Variants in CENPK observed in about 807,000 individuals in gnomAD.
CENPK encodes the protein SoxLZ/Sox6-binding protein Solt.
CENPK carries 46 observed loss-of-function variants against 40.9 expected under a neutral mutation model. The observed-to-expected ratio is 1.13, with a 90% CI of 0.89 to 1.44. CENPK has a LOEUF of 1.44. Among genes scored for constraint, CENPK ranks in the 40% most tolerant of loss-of-function variants. The pLI, the probability that CENPK is intolerant of heterozygous loss-of-function variation, is 0.00. For synonymous variants in CENPK, 107 were observed against 104.4 expected (o/e 1.02, Z -0.15); for missense variants, 288 against 303.5 (o/e 0.95, Z 0.38).
Position 65,549,792 on chromosome 5 carries a change from A to G in CENPK, c.241+1772T>C, listed in dbSNP as rs117079997. Among the ~76,000 whole-genome samples, 15 of 152,302 alleles carry G rather than the reference A, an allele frequency of 9.8e-5. No individual in the cohort carries two copies. The East Asian group carries it at 2.9e-3, about 29-fold the overall frequency. ...GGATTACGCTTTGGCTTAGGGAATG[A>G]TGGCTGGTTTGATCATCTAAGTAGA... On this transcript the variant is annotated intron_variant, in intron 5 of 10. Transcript: ENST00000396679.
At chr5:65,550,117 G>A (rs1223881116) in intron 5 of CENPK, among the ~76,000 whole-genome samples, 5 of 140,544 alleles carry the variant, frequency 3.6e-5, no homozygotes, top group South Asian at 2.2e-4. Flanking sequence ...GCACTGAGCC[G>A]AGATCACACC....
chr5:65,501,182 T>G, the CENPK span, among the ~76,000 whole-genome samples: 6 of 134,468 alleles, frequency 4.5e-5, no homozygotes, highest in African/African-American at 1.1e-4. Context: ...TTGTTTTTTT[T>G]TTTTTTTTTT....
intron 3 of CENPK, 66 bp downstream of exon 3, chr5:65,554,731 G>C (rs1750699249): frequency 1.2e-6 from 1 of 864,182 alleles, no homozygotes; most frequent in Non-Finnish European, 1.9e-6. Flanking sequence ...TCTTTCCTGA[G>C]TCTATTTATT....
At chr5:65,519,630 CA>C (rs1311133102) in intron 10 of CENPK, among the ~76,000 whole-genome samples, 3 of 152,084 alleles carry the variant, frequency 2.0e-5, no homozygotes, top group Admixed American at 6.5e-5. Context: ...ATAATTTATA[CA>C]ATTACAAAGT....
downstream of CENPK, among the ~76,000 whole-genome samples, chr5:65,513,995 G>A (rs1742678881): frequency 6.6e-6 from 1 of 152,108 alleles, no homozygotes; most frequent in Non-Finnish European, 1.5e-5. Context: ...CTCCTTTAGT[G>A]TGATAATGTA....
At chr5:65,526,011 AAC>A (rs1458753779) in intron 9 of CENPK, among the ~76,000 whole-genome samples, 2 of 152,244 alleles carry the variant, frequency 1.3e-5, no homozygotes, top group African/African-American at 4.8e-5. Context: ...GAGAGAAAGA[AAC>A]ACACAGAGAA....
intron 6 of CENPK, among the ~76,000 whole-genome samples, chr5:65,540,839 A>C (rs1581010732): frequency 2.2e-5 from 3 of 137,644 alleles, no homozygotes; most frequent in Non-Finnish European, 3.1e-5. Flanking sequence ...ACAGGGTTTC[A>C]CTCTGCTGCC....
At chr5:65,542,158 G>C (rs1038985152) in intron 6 of CENPK, among the ~76,000 whole-genome samples, 1 of 152,162 alleles carries the variant, frequency 6.6e-6, no homozygotes, top group Non-Finnish European at 1.5e-5. Context: ...AGATTTCAAC[G>C]TATGGATTTT....
chr5:65,554,901 G>C lies in CENPK; in HGVS notation c.7C>G (p.Gln3Glu), dbSNP rs139570970. Residue 3 changes from glutamine (Q) to glutamate (E), a missense_variant, in exon 3 of 11, where the codon CAG becomes GAG. Transcript: ENST00000396679. ...GTACTATCCGGATCTAGATCCTCCT[G>C]ATTCATTGATATATGCTTTGTGAAT... The part of the protein sequence containing the change: MN[Q>E]EDLDPDSTTD... 22 of 1,553,320 alleles carry C rather than the reference G, an allele frequency of 1.4e-5. No homozygotes were observed. The highest frequency in any genetic ancestry group is 1.8e-5 in the Non-Finnish European group (20 of 1,128,732).
rs1743069146 is a variant in CENPK at position 65,518,303 on chromosome 5, A to T, written c.*172T>A. On this transcript the variant is annotated 3_prime_UTR_variant, in exon 11 of 11. Coordinates refer to ENST00000396679, the MANE Select transcript of CENPK (RefSeq NM_022145.5). ...AACACTAAAGCACTCACTGAATAAGAAATGACCATTTAAAAATGAATAATA... is the reference window on the plus strand; with the variant it reads ...AACACTAAAGCACTCACTGAATAAGTAATGACCATTTAAAAATGAATAATA... 4 of 610,774 alleles carry T rather than the reference A, an allele frequency of 6.5e-6. No homozygotes were observed. The highest frequency in any genetic ancestry group is 2.1e-5 in the South Asian group (1 of 46,564). The allele number at this position is 610,774 out of a possible 1,614,324, so 37.8% of individuals were successfully genotyped here.
intron 2 of CENPK, among the ~76,000 whole-genome samples, chr5:65,556,419 A>G (rs1750989150): frequency 6.6e-6 from 1 of 152,138 alleles, no homozygotes; most frequent in South Asian, 2.1e-4. Flanking sequence ...AGGTTATAGT[A>G]AGCTATGATC....
the CENPK span, among the ~76,000 whole-genome samples, chr5:65,499,673 T>TTA: frequency 4.7e-5 from 7 of 147,516 alleles, no homozygotes. Context: ...TTTAATTTTT[T>TTA]TTTTTTTATT....
At chr5:65,560,627 A>C (rs1263964641) in intron 2 of CENPK, among the ~76,000 whole-genome samples, 3 of 152,232 alleles carry the variant, frequency 2.0e-5, no homozygotes, top group Admixed American at 1.3e-4. Flanking sequence ...ATACAGAAAA[A>C]GTACATTCAT....
In CENPK at chr5:65,545,345, C is replaced by T. The variant is rs1748721059; in HGVS notation, c.242-2497G>A. ...GCGCGCACACACACACACACACACA[C>T]ACACACACACACACACACACACACA... On this transcript the variant is annotated intron_variant, in intron 5 of 10. Coordinates refer to ENST00000396679, the MANE Select transcript of CENPK (RefSeq NM_022145.5). 2.7e-5 allele frequency among the ~76,000 whole-genome samples: 2 copies of T among 74,286 alleles called. 1 individual carries two copies. Among genetic ancestry groups the T allele is most frequent in the South Asian group, 8.6e-4 (2 of 2,334 alleles). The allele number at this position is 74,286 out of a possible 152,430, so 48.7% of individuals were successfully genotyped here.
intron 10 of CENPK, among the ~76,000 whole-genome samples, chr5:65,520,203 T>C (rs1228201418): frequency 6.6e-6 from 1 of 152,146 alleles, no homozygotes; most frequent in Non-Finnish European, 1.5e-5. Context: ...AAAGTGTGTG[T>C]GGTACCTTTC....
At chr5:65,554,472 C>T (rs539613746) in intron 3 of CENPK, among the ~76,000 whole-genome samples, 1 of 152,282 alleles carries the variant, frequency 6.6e-6, no homozygotes, top group African/African-American at 2.4e-5. Context: ...TCCTTGACCC[C>T]TTCACCGGGT....
intron 6 of CENPK, among the ~76,000 whole-genome samples, chr5:65,533,666 G>A (rs1163803823): frequency 6.6e-6 from 1 of 152,042 alleles, no homozygotes; most frequent in Non-Finnish European, 1.5e-5. Context: ...TAAGGATGTA[G>A]AATAAAAGTT....
intron 9 of CENPK, among the ~76,000 whole-genome samples, chr5:65,527,531 ATATATATATATATATATATATATG>A (rs1387928510): frequency 3.7e-4 from 28 of 76,012 alleles, no homozygotes; most frequent in Non-Finnish European, 7.8e-4. Context: ...ATATATATAT[ATATATATATATATATATATATATG>A]AACTGTTCAC....
chr5:65,507,724 T>G, the CENPK span, among the ~76,000 whole-genome samples: 1 of 152,248 alleles, frequency 6.6e-6, no homozygotes, highest in African/African-American at 2.4e-5. Context: ...ATAATAGTAT[T>G]AACTAAACTG....
Sources: gnomAD v4.1 joint callset for allele counts (sites outside exome capture counted in the v4.1 genomes callset) on GRCh38, gnomAD v4.1.1 for gene constraint, MANE v1.5 for transcripts, NCBI Gene and HGNC (gene_info 2026-07-23, HGNC 2026-07-21) for gene names.